Variants in SPOCK3 observed in about 807,000 individuals in gnomAD.
SPOCK3 encodes testican-3.
In SPOCK3, 30 loss-of-function variants were observed where a neutral mutation model predicts 56.6. The observed-to-expected ratio is 0.53, with a 90% confidence interval of 0.40 to 0.72. SPOCK3 has a LOEUF of 0.72. Ranked by LOEUF, SPOCK3 falls within the 30% of genes least tolerant of loss-of-function variation. The pLI is 0.00. For missense variants in SPOCK3, 527 were observed against 530.0 expected, an observed-to-expected ratio of 0.99 and a Z score of 0.06; for synonymous variants, 196 against 183.3, an observed-to-expected ratio of 1.07 and a Z score of -0.56.
chr4:167,129,605 G>A (rs541897984), intron 2 of SPOCK3, among the ~76,000 whole-genome samples: 75 of 149,582 alleles, frequency 5.0e-4, no homozygotes, highest in African/African-American at 1.6e-3. Flanking sequence ...TCATTTCCTT[G>A]TCACTCCAAA....
chr4:167,017,717 AATGT>A (rs1465422668), intron 3 of SPOCK3, among the ~76,000 whole-genome samples: 1 of 151,932 alleles, frequency 6.6e-6, no homozygotes, highest in Non-Finnish European at 1.5e-5. Flanking sequence ...TTTGTATATG[AATGT>A]ATGTGTGTGT....
chr4:167,011,128 C>A, intron 3 of SPOCK3: 1 of 277,610 alleles, frequency 3.6e-6, no homozygotes, highest in Non-Finnish European at 7.5e-6. Context: ...TTAGATTGGA[C>A]TTATAAAAAC....
At chr4:166,837,112 C>T (rs1271962257) in intron 6 of SPOCK3, among the ~76,000 whole-genome samples, 3 of 152,138 alleles carry the variant, frequency 2.0e-5, no homozygotes, top group African/African-American at 7.2e-5. Flanking sequence ...TTTCTCCTTC[C>T]TTATTACATC....
At chr4:166,937,824 G>C (rs951020630) in intron 4 of SPOCK3, among the ~76,000 whole-genome samples, 6 of 149,734 alleles carry the variant, frequency 4.0e-5, no homozygotes, top group Admixed American at 1.3e-4. Flanking sequence ...AGTGCAGTGG[G>C]GCGATCTCGG....
At chr4:166,813,407 A>G (rs1056153616) in intron 6 of SPOCK3, among the ~76,000 whole-genome samples, 3 of 152,062 alleles carry the variant, frequency 2.0e-5, no homozygotes, top group African/African-American at 7.2e-5. Context: ...ACATCCATGC[A>G]TCACTTACCT....
intron 2 of SPOCK3, among the ~76,000 whole-genome samples, chr4:167,104,196 C>G (rs1759899006): frequency 6.6e-6 from 1 of 152,122 alleles, no homozygotes; most frequent in Non-Finnish European, 1.5e-5. Context: ...CAACAGCCAT[C>G]AAGACCATCC....
At chr4:166,777,806 T>C (rs1236266502) in intron 7 of SPOCK3, among the ~76,000 whole-genome samples, 3 of 152,210 alleles carry the variant, frequency 2.0e-5, no homozygotes, top group African/African-American at 7.2e-5. Flanking sequence ...ATCCTAGCTC[T>C]ACCATTTACT....
chr4:166,973,751 T>C (rs998144166), intron 4 of SPOCK3, among the ~76,000 whole-genome samples: 1 of 152,162 alleles, frequency 6.6e-6, no homozygotes, highest in Non-Finnish European at 1.5e-5. Context: ...CACAAGTTGA[T>C]TTAATGGCCG....
intron 6 of SPOCK3, among the ~76,000 whole-genome samples, chr4:166,881,193 A>G (rs1733649288): frequency 6.6e-6 from 1 of 152,016 alleles, no homozygotes. Flanking sequence ...TTACATTAAC[A>G]TGTAAATAGA....
At chr4:167,104,684 T>TA (rs1182760728) in intron 2 of SPOCK3, among the ~76,000 whole-genome samples, 2 of 151,738 alleles carry the variant, frequency 1.3e-5, no homozygotes, top group Non-Finnish European at 2.9e-5. Flanking sequence ...AAAGGAATAA[T>TA]AACGGAGAAA....
chr4:167,122,770 G>C (rs1468800001), intron 2 of SPOCK3, among the ~76,000 whole-genome samples: 1 of 152,038 alleles, frequency 6.6e-6, no homozygotes, highest in African/African-American at 2.4e-5. Context: ...ACAACTTCTG[G>C]AGAACACTAA....
chr4:167,211,194 T>G (rs1180197496), intron 2 of SPOCK3, among the ~76,000 whole-genome samples: 2 of 152,284 alleles, frequency 1.3e-5, no homozygotes, highest in East Asian at 3.9e-4. Context: ...GTAGCCCCTT[T>G]GTTTTGGCCA....
chr4:166,749,388 C>T (rs944682791), intron 8 of SPOCK3, among the ~76,000 whole-genome samples: 3 of 89,478 alleles, frequency 3.4e-5, no homozygotes, highest in Non-Finnish European at 6.7e-5. Context: ...ATCACAAGGA[C>T]AGAAAACCAA....
chr4:167,005,460 G>T (rs186569917), intron 3 of SPOCK3, among the ~76,000 whole-genome samples: 1 of 151,794 alleles, frequency 6.6e-6, no homozygotes, highest in African/African-American at 2.4e-5. Flanking sequence ...TGATCCGCCC[G>T]CCTCGGCCTC....
At chr4:166,836,753 T>C (rs906599891) in intron 6 of SPOCK3, among the ~76,000 whole-genome samples, 1 of 152,226 alleles carries the variant, frequency 6.6e-6, no homozygotes, top group African/African-American at 2.4e-5. Context: ...CTGACCAGGT[T>C]CGACCTTAGC....
intron 7 of SPOCK3, among the ~76,000 whole-genome samples, chr4:166,779,462 G>T (rs1739930166): frequency 6.6e-6 from 1 of 151,224 alleles, no homozygotes; most frequent in African/African-American, 2.4e-5. Context: ...TTATAAGAAT[G>T]AACTAAATGG....
chr4:166,978,976 C>T (rs1579878392), intron 4 of SPOCK3, among the ~76,000 whole-genome samples: 1 of 152,056 alleles, frequency 6.6e-6, no homozygotes, highest in African/African-American at 2.4e-5. Context: ...TATTTTGAAT[C>T]GTGAAGTATG....
chr4:166,860,817 G>GTGTATATATA (rs1731172715), intron 6 of SPOCK3, among the ~76,000 whole-genome samples: 2 of 31,184 alleles, frequency 6.4e-5, no homozygotes, highest in Non-Finnish European at 1.4e-4. Context: ...ATATATATAT[G>GTGTATATATA]TATATATATA....
At chr4:167,087,495 G>T (rs1352909774) in intron 2 of SPOCK3, among the ~76,000 whole-genome samples, 2 of 152,104 alleles carry the variant, frequency 1.3e-5, no homozygotes, top group Admixed American at 1.3e-4. Context: ...TGACAACAGA[G>T]CATACTTTTC....
Sources: gnomAD v4.1 joint callset for allele counts (sites outside exome capture counted in the v4.1 genomes callset) on GRCh38, gnomAD v4.1.1 for gene constraint, MANE v1.5 for transcripts, NCBI Gene and HGNC (gene_info 2026-07-23, HGNC 2026-07-21) for gene names.